Variants in ATXN1 observed in about 807,000 individuals in gnomAD.
The protein encoded by ATXN1 is ataxin-1.
ATXN1 carries 8 observed loss-of-function variants against 56.4 expected under a neutral mutation model. The ratio of observed to expected loss-of-function variants is 0.14; its 90% CI spans 0.08 to 0.26. ATXN1 has a LOEUF of 0.26. ATXN1 is among the 10% of genes least tolerant of loss of function. The pLI, the probability that ATXN1 is intolerant of heterozygous loss-of-function variation, is 1.00. For synonymous variants in ATXN1, 514 were observed against 494.6 expected (o/e 1.04, Z -0.52); for missense variants, 987 against 1,106.5 (o/e 0.89, Z 1.53).
intron 2 of ATXN1, among the ~76,000 whole-genome samples, chr6:16,659,394 G>T (rs1189434641): frequency 6.6e-6 from 1 of 152,224 alleles, no homozygotes; most frequent in Non-Finnish European, 1.5e-5. Flanking sequence ...AGAATTTGGA[G>T]AGAGGAGGAG....
chr6:16,617,151 G>A (rs994649882), intron 3 of ATXN1, among the ~76,000 whole-genome samples: 89 of 152,142 alleles, frequency 5.8e-4, no homozygotes, highest in African/African-American at 2.0e-3. Context: ...TAAAGATTAA[G>A]TGCACAATTA....
chr6:16,737,481 A>G (rs1015088968), intron 2 of ATXN1: 1 of 152,250 alleles, frequency 6.6e-6, no homozygotes, highest in African/African-American at 2.4e-5. Flanking sequence ...GAATCTCATA[A>G]TGACAAATAG....
intron 2 of ATXN1, among the ~76,000 whole-genome samples, chr6:16,723,396 ATAACT>A (rs1449109761): frequency 6.6e-6 from 1 of 152,218 alleles, no homozygotes; most frequent in Non-Finnish European, 1.5e-5. Flanking sequence ...CAGCTTACAC[ATAACT>A]TATTACTATA....
rs966997326 is a variant in ATXN1 at position 16,586,626 on chromosome 6, G to A, written c.-488-719C>T. Among the ~76,000 whole-genome samples the A allele has an allele frequency of 4.6e-5, 7 of 152,352 alleles. No homozygotes were observed. The East Asian group carries it at 1.3e-3, about 29-fold the overall frequency. On this transcript the variant is annotated intron_variant, in intron 3 of 7. Coordinates refer to ENST00000436367, the MANE Select transcript of ATXN1 (RefSeq NM_001128164.2). ...ATACAGCCAACGGATGTTAAAGCCA[G>A]TACTTAAGCCAACAGTTCACAGAGG...
At chr6:16,362,847 T>C (rs1761839343) in intron 6 of ATXN1, among the ~76,000 whole-genome samples, 1 of 152,186 alleles carries the variant, frequency 6.6e-6, no homozygotes. Context: ...CTACTACATA[T>C]TAGTGATGAG....
chr6:16,352,349 T>C (rs575703977), intron 6 of ATXN1, among the ~76,000 whole-genome samples: 2 of 152,330 alleles, frequency 1.3e-5, no homozygotes, highest in Admixed American at 6.5e-5. Context: ...GGGAGTCTAA[T>C]GCAAGCCAGG....
intron 6 of ATXN1, among the ~76,000 whole-genome samples, chr6:16,444,229 A>G (rs1242900625): frequency 6.6e-6 from 1 of 152,178 alleles, no homozygotes; most frequent in Non-Finnish European, 1.5e-5. Context: ...CAACCCAGTG[A>G]GAACAGTTCC....
chr6:16,455,162 G>GT (rs1004578358), intron 6 of ATXN1, among the ~76,000 whole-genome samples: 1 of 152,180 alleles, frequency 6.6e-6, no homozygotes, highest in Non-Finnish European at 1.5e-5. Context: ...TAACCAGGTA[G>GT]TAAGACTCAT....
intron 6 of ATXN1, among the ~76,000 whole-genome samples, chr6:16,360,717 A>G (rs1254454770): frequency 6.6e-6 from 1 of 152,214 alleles, no homozygotes; most frequent in Non-Finnish European, 1.5e-5. Flanking sequence ...GTGAGAAAGG[A>G]GATCCTATAA....
intron 3 of ATXN1, among the ~76,000 whole-genome samples, chr6:16,649,041 G>A (rs1722810581): frequency 6.6e-6 from 1 of 151,882 alleles, no homozygotes; most frequent in Non-Finnish European, 1.5e-5. Context: ...TAAAAGATGT[G>A]AGCAGCGTGC....
chr6:16,340,765 A>G (rs1401070078), intron 6 of ATXN1, among the ~76,000 whole-genome samples: 1 of 152,276 alleles, frequency 6.6e-6, no homozygotes, highest in African/African-American at 2.4e-5. Context: ...ATCAGCGTTC[A>G]GTGATAAGAA....
intron 4 of ATXN1, among the ~76,000 whole-genome samples, chr6:16,537,872 G>A (rs1299258421): frequency 6.6e-6 from 1 of 152,182 alleles, no homozygotes; most frequent in East Asian, 1.9e-4. Context: ...GGAGGCCAAG[G>A]TGGGCGGATC....
At chr6:16,586,667 T>C (rs1225471374) in intron 3 of ATXN1, among the ~76,000 whole-genome samples, 2 of 152,236 alleles carry the variant, frequency 1.3e-5, no homozygotes, top group Non-Finnish European at 2.9e-5. Flanking sequence ...CTTAGGATTC[T>C]AGTACTATAC....
intron 6 of ATXN1, among the ~76,000 whole-genome samples, chr6:16,465,000 G>T (rs1007646615): frequency 6.6e-6 from 1 of 152,114 alleles, no homozygotes; most frequent in Non-Finnish European, 1.5e-5. Flanking sequence ...AGGAATATAG[G>T]AACTCTTTGT....
In ATXN1 at chr6:16,327,353, C is replaced by T; in HGVS notation, c.958G>A (p.Ala320Thr). The stretch of plus-strand genomic sequence containing the variant: ...ATCTCACCGTTCAGGACCTCCTTGG[C>T]CTGGATGGCCTGCTGCAGCCGGCTG... The part of the protein sequence containing the change: ...ESSRLQQAIQ[A>T]KEVLNGEMEK... The change falls in exon 7 of 8, where the codon GCC becomes ACC. Residue 320 changes from alanine to threonine, a missense_variant. Around this residue, in one of 3 missense-constraint regions of ATXN1, gnomAD observed 723 missense variants for 791.7 expected, o/e 0.91. Coordinates refer to ENST00000436367, the MANE Select transcript of ATXN1 (RefSeq NM_001128164.2). The T allele has an allele frequency of 6.2e-7, 1 of 1,613,470 alleles. No homozygotes were observed. Among genetic ancestry groups the T allele is most frequent in the Non-Finnish European group, 8.5e-7 (1 of 1,179,982 alleles).
intron 2 of ATXN1, among the ~76,000 whole-genome samples, chr6:16,715,936 C>T (rs897968244): frequency 6.6e-6 from 1 of 152,166 alleles, no homozygotes; most frequent in African/African-American, 2.4e-5. Context: ...ACCATGCACA[C>T]TCAAGCCTAG....
At chr6:16,564,363 G>T (rs1762175919) in intron 4 of ATXN1, among the ~76,000 whole-genome samples, 2 of 152,100 alleles carry the variant, frequency 1.3e-5, no homozygotes, top group South Asian at 2.1e-4. Flanking sequence ...AAAGTAGGCT[G>T]CACAGAGAAA....
Position 16,411,125 on chromosome 6 carries a change from C to CAAAA in ATXN1, c.-161+74843_-161+74846dup, listed in dbSNP as rs746717153. ...GGGTGACAGAGTGAGACCTCTGTGT[C>CAAAA]AAAAAAAAAAAAAAAAAAAAGAAAA... is the stretch of plus-strand genomic sequence containing the variant. On this transcript the variant is annotated intron_variant, in intron 6 of 7. Coordinates refer to ENST00000436367, the MANE Select transcript of ATXN1 (RefSeq NM_001128164.2). Among the ~76,000 whole-genome samples the CAAAA allele has an allele frequency of 2.0e-3, 164 of 80,606 alleles. 2 individuals are homozygous for CAAAA. Among genetic ancestry groups the CAAAA allele is most frequent in the African/African-American group, 6.9e-3 (146 of 21,286 alleles). 52.9% of individuals were successfully genotyped at this position (80,606 alleles called of 152,430 possible).
chr6:16,311,866 G>C (rs1051436699), intron 7 of ATXN1, among the ~76,000 whole-genome samples: 5 of 152,190 alleles, frequency 3.3e-5, no homozygotes, highest in Non-Finnish European at 7.3e-5. Context: ...CTCTCTACCA[G>C]AGTTGCGGTT....
Sources: gnomAD v4.1 joint callset for allele counts (sites outside exome capture counted in the v4.1 genomes callset) on GRCh38, gnomAD v4.1.1 for gene constraint, gnomAD v4.1.1 regional missense constraint, MANE v1.5 for transcripts, NCBI Gene and HGNC (gene_info 2026-07-23, HGNC 2026-07-21) for gene names.